Variants in SMYD3 observed in about 807,000 individuals in gnomAD.
The protein encoded by SMYD3 is SET and MYND domain containing 3, also known as histone-lysine N-methyltransferase SMYD3.
SMYD3 carries 36 observed loss-of-function variants against 57.7 expected under a neutral mutation model. The ratio of observed to expected loss-of-function variants is 0.62; its 90% confidence interval spans 0.48 to 0.82. The LOEUF is 0.82. Ranked by LOEUF, SMYD3 falls within the 40% of genes least tolerant of loss-of-function variation. The pLI, the probability that SMYD3 is intolerant of heterozygous loss-of-function variation, is 0.00. For missense variants in SMYD3, 515 were observed against 538.8 expected, an observed-to-expected ratio of 0.96 and a Z score of 0.44; for synonymous variants, 211 against 195.0, an observed-to-expected ratio of 1.08 and a Z score of -0.68.
chr1:246,507,275 G>T lies in SMYD3; in HGVS notation c.-58C>A, dbSNP rs1046188554. 4 of 1,430,796 alleles carry T rather than the reference G, an allele frequency of 2.8e-6. No homozygotes were observed. The highest frequency in any genetic ancestry group is 2.9e-5 in the East Asian group (1 of 33,954). 88.6% of individuals were successfully genotyped at this position (1,430,796 alleles called of 1,614,324 possible). On this transcript the variant is annotated 5_prime_UTR_variant, in exon 1 of 12. Coordinates refer to ENST00000490107, the MANE Select transcript of SMYD3 (RefSeq NM_001167740.2). Reference sequence around the variant, plus strand: ...CCGCGTCCAGCAGCGGGCGTCTCACGGGCTGCCGGGACCCGCGCGCCTGCG... The same window carrying T: ...CCGCGTCCAGCAGCGGGCGTCTCACTGGCTGCCGGGACCCGCGCGCCTGCG...
intron 1 of SMYD3, among the ~76,000 whole-genome samples, chr1:246,378,799 T>A (rs1258378449): frequency 9.3e-6 from 1 of 107,512 alleles, no homozygotes; most frequent in African/African-American, 4.1e-5. Context: ...TATATTATTT[T>A]TATATATTAT....
At chr1:246,302,386 A>G (rs1415800031) in intron 5 of SMYD3, among the ~76,000 whole-genome samples, 1 of 152,152 alleles carries the variant, frequency 6.6e-6, no homozygotes, top group African/African-American at 2.4e-5. Context: ...TTTGTGCTTC[A>G]TTCAATGTGG....
intron 5 of SMYD3, among the ~76,000 whole-genome samples, chr1:246,185,730 G>A (rs950703511): frequency 6.6e-6 from 1 of 152,114 alleles, no homozygotes; most frequent in Non-Finnish European, 1.5e-5. Context: ...AAAGTGCTGG[G>A]ATTACAGGCA....
At chr1:246,046,010 C>A (rs924771239) in intron 5 of SMYD3, among the ~76,000 whole-genome samples, 1 of 152,174 alleles carries the variant, frequency 6.6e-6, no homozygotes, top group Non-Finnish European at 1.5e-5. Context: ...AATAGGAACA[C>A]TTTTACATTG....
intron 5 of SMYD3, among the ~76,000 whole-genome samples, chr1:246,287,950 A>T (rs1477958257): frequency 6.6e-6 from 1 of 151,748 alleles, no homozygotes; most frequent in Non-Finnish European, 1.5e-5. Flanking sequence ...AGAACCACCT[A>T]GGAAGGCCTT....
At chr1:245,987,262 C>T (rs2058722965) in intron 5 of SMYD3, among the ~76,000 whole-genome samples, 2 of 152,110 alleles carry the variant, frequency 1.3e-5, no homozygotes. Context: ...TGGGAAATTC[C>T]AAGACGTTTA....
intron 5 of SMYD3, chr1:246,053,103 G>A (rs930654161): frequency 2.0e-5 from 3 of 152,164 alleles, no homozygotes; most frequent in Admixed American, 2.0e-4. Flanking sequence ...TAATTAGCCA[G>A]GCACGGTGGT....
intron 5 of SMYD3, among the ~76,000 whole-genome samples, chr1:246,313,120 G>T (rs949965533): frequency 1.3e-5 from 2 of 151,952 alleles, no homozygotes; most frequent in African/African-American, 4.8e-5. Flanking sequence ...TGCCCAGGCT[G>T]GTCTCCAACT....
chr1:245,765,238 A>T (rs78143009), intron 10 of SMYD3, among the ~76,000 whole-genome samples: 1 of 151,132 alleles, frequency 6.6e-6, no homozygotes, highest in African/African-American at 2.4e-5. Flanking sequence ...AAAAAAAAAA[A>T]ATACAAAAAT....
intron 10 of SMYD3, among the ~76,000 whole-genome samples, chr1:245,785,174 G>A (rs867393052): frequency 1.6e-4 from 24 of 151,964 alleles, no homozygotes; most frequent in Middle Eastern, 6.8e-3. Flanking sequence ...GAGCCATTAC[G>A]CCAGGCCAGA....
At chr1:246,309,295 CAG>C (rs1213181873) in intron 5 of SMYD3, among the ~76,000 whole-genome samples, 2 of 151,974 alleles carry the variant, frequency 1.3e-5, no homozygotes, top group Non-Finnish European at 2.9e-5. Flanking sequence ...GATGGGAAAA[CAG>C]AAATATAAAA....
chr1:245,973,996 T>C (rs2058363380), intron 5 of SMYD3, among the ~76,000 whole-genome samples: 1 of 152,114 alleles, frequency 6.6e-6, no homozygotes, highest in African/African-American at 2.4e-5. Context: ...TCATCATTAA[T>C]ACCTATGCTT....
At chr1:245,834,684 G>A (rs954510283) in intron 10 of SMYD3, among the ~76,000 whole-genome samples, 2 of 152,132 alleles carry the variant, frequency 1.3e-5, no homozygotes, top group African/African-American at 2.4e-5. Context: ...CTTCCTGTTC[G>A]GAGGATCACG....
intron 5 of SMYD3, among the ~76,000 whole-genome samples, chr1:246,105,459 C>T (rs1345603902): frequency 6.6e-6 from 1 of 152,144 alleles, no homozygotes; most frequent in Non-Finnish European, 1.5e-5. Flanking sequence ...GGTGCTGTGC[C>T]CCCTTGTCTG....
At chr1:246,349,964 A>G (rs78750949) in intron 2 of SMYD3, among the ~76,000 whole-genome samples, 3,787 of 152,362 alleles carry the variant, frequency 0.025, 78 homozygotes, top group Non-Finnish European at 0.04. Context: ...AAATGCATCA[A>G]TTAAAAGACA....
At chr1:246,126,519 G>A (rs1341352004) in intron 5 of SMYD3, among the ~76,000 whole-genome samples, 1 of 152,160 alleles carries the variant, frequency 6.6e-6, no homozygotes, top group South Asian at 2.1e-4. Context: ...ACTTTGTTTT[G>A]TTTGCAATTG....
chr1:246,172,081 T>C (rs2062345081), intron 5 of SMYD3, among the ~76,000 whole-genome samples: 1 of 152,224 alleles, frequency 6.6e-6, no homozygotes, highest in Admixed American at 6.5e-5. Flanking sequence ...GAATGGAGCT[T>C]GCAGGACTAC....
chr1:246,020,011 C>T (rs2059444348), intron 5 of SMYD3, among the ~76,000 whole-genome samples: 1 of 152,134 alleles, frequency 6.6e-6, no homozygotes, highest in Admixed American at 6.6e-5. Flanking sequence ...ACTTGCCTGC[C>T]AGAAGAGTTT....
intron 10 of SMYD3, among the ~76,000 whole-genome samples, chr1:245,849,359 G>A (rs2050834211): frequency 1.3e-5 from 2 of 152,170 alleles, no homozygotes; most frequent in South Asian, 4.1e-4. Context: ...TTTGGCATCG[G>A]GAGGATATTT....
Sources: gnomAD v4.1 joint callset for allele counts (sites outside exome capture counted in the v4.1 genomes callset) on GRCh38, gnomAD v4.1.1 for gene constraint, MANE v1.5 for transcripts, NCBI Gene and HGNC (gene_info 2026-07-23, HGNC 2026-07-21) for gene names.